The following STIP1 variants were observed in gnomAD, a reference collection of about 807,000 sequenced individuals.
The protein encoded by STIP1 is stress-induced-phosphoprotein 1.
STIP1 carries 16 observed loss-of-function variants against 77.4 expected under a neutral mutation model. That is an observed-to-expected ratio of 0.21 (90% CI 0.14 to 0.31). The LOEUF (loss-of-function observed/expected upper bound fraction) is 0.31. Ranked by LOEUF, STIP1 falls within the 10% of genes least tolerant of loss-of-function variation. The pLI is 1.00. For synonymous variants in STIP1, 258 were observed against 246.6 expected (o/e 1.05, Z -0.44); for missense variants, 524 against 684.8 (o/e 0.77, Z 2.62).
Position 64,186,377 on chromosome 11 carries a change from C to T in STIP1, c.9+107C>T, listed in dbSNP as rs1311529055. On this transcript the variant is annotated intron_variant, in intron 1 of 13. Coordinates refer to ENST00000305218, the MANE Select transcript of STIP1 (RefSeq NM_006819.3). ...GCGCCGGATCCAGGAGACCGGAGCT[C>T]GGCGCTGGGGCCGGACGGGGCGGCG... 1.1e-4 allele frequency: 32 copies of T among 287,050 alleles called. 1 individual carries two copies. Among genetic ancestry groups the T allele is most frequent in the Admixed American group, 2.5e-4 (3 of 11,918 alleles). The allele number at this position is 287,050 out of a possible 1,614,324, so 17.8% of individuals were successfully genotyped here.
chr11:64,185,773 T>G (rs2134773575), upstream of STIP1: 1 of 1,531,258 alleles, frequency 6.5e-7, no homozygotes. Context: ...CGCAAAGAGT[T>G]GGCAACCCTC....
At chr11:64,195,502 A>G (rs1291961787) in intron 4 of STIP1, 143 bp from the exon 5 acceptor site, 2 of 739,986 alleles carry the variant, frequency 2.7e-6, no homozygotes, top group African/African-American at 1.8e-5. Context: ...GTAACTCATG[A>G]GTGGTGCAAA....
At chr11:64,189,186 C>T (rs1253716834) in intron 1 of STIP1, among the ~76,000 whole-genome samples, 1 of 152,184 alleles carries the variant, frequency 6.6e-6, no homozygotes, top group East Asian at 1.9e-4. Flanking sequence ...TATGGTGAAA[C>T]CCTGTCTCTA....
chr11:64,203,270 T>C, intron 12 of STIP1, 42 bp downstream of exon 12: 1 of 1,607,016 alleles, frequency 6.2e-7, no homozygotes, highest in Non-Finnish European at 8.5e-7. Flanking sequence ...CCTGCCTCTT[T>C]CTCTGTTGGG....
chr11:64,197,251 C>CA lies in STIP1; in HGVS notation c.673-19dup. On this transcript the variant is annotated intron_variant, in intron 5 of 13. Transcript: ENST00000305218. ...ACCTGAGTTAGATTTGCTCAGCACT[C>CA]ACTTCTAAACCTCATCTAGGCACTG... 6.2e-7 allele frequency: 1 copy of CA among 1,613,324 alleles called. No individual in the cohort carries two copies. Among genetic ancestry groups the CA allele is most frequent in the Non-Finnish European group, 8.5e-7 (1 of 1,179,770 alleles).
Position 64,193,152 on chromosome 11 carries a change from C to G in STIP1, c.84C>G (p.Ser28=). 2.5e-6 allele frequency: 4 copies of G among 1,614,162 alleles called. No individual in the cohort carries two copies. Among genetic ancestry groups the G allele is most frequent in the Non-Finnish European group, 3.4e-6 (4 of 1,180,036 alleles). ...GNIDDALQCY[S]EAIKLDPHNH... The stretch of plus-strand genomic sequence containing the variant: ...TCGATGATGCCTTACAGTGCTACTC[C>G]GAAGCTATTAAGCTGGATCCCCACA... Residue 28 remains serine (S), a synonymous_variant, in exon 2 of 14, where the codon TCC becomes TCG. Coordinates refer to ENST00000305218, the MANE Select transcript of STIP1 (RefSeq NM_006819.3).
At chr11:64,190,087 G>A (rs965632226) in intron 1 of STIP1, among the ~76,000 whole-genome samples, 2 of 150,716 alleles carry the variant, frequency 1.3e-5, no homozygotes, top group Admixed American at 1.3e-4. Context: ...TGCAGCCTCC[G>A]ACTCCCAGGT....
chr11:64,202,838 G>A lies in STIP1; in HGVS notation c.1246-38G>A, dbSNP rs1946234703. On this transcript the variant is annotated intron_variant, in intron 10 of 13. Transcript: ENST00000305218. ...AGTTGCCTGTACTGAGCTTGTCCAAGGGAATGAGCCTAATTTCTTTCTGTT... is the reference window on the plus strand; with the variant it reads ...AGTTGCCTGTACTGAGCTTGTCCAAAGGAATGAGCCTAATTTCTTTCTGTT... 4 of 1,613,876 alleles carry A rather than the reference G, an allele frequency of 2.5e-6. No homozygotes were observed. In the African/African-American group the frequency reaches 5.3e-5, roughly 22 times the overall value.
intron 1 of STIP1, among the ~76,000 whole-genome samples, chr11:64,186,895 T>C (rs1946028099): frequency 6.6e-6 from 1 of 152,132 alleles, no homozygotes; most frequent in Non-Finnish European, 1.5e-5. Context: ...CTCTACCTGA[T>C]GCGGGAAAGG....
At chr11:64,189,292 C>T (rs1230187909) in intron 1 of STIP1, among the ~76,000 whole-genome samples, 1 of 151,698 alleles carries the variant, frequency 6.6e-6, no homozygotes, top group African/African-American at 2.4e-5. Flanking sequence ...ACCCGGGAGG[C>T]GGACCTTGAA....
In STIP1 at chr11:64,194,250, C is replaced by T. The variant is rs866576449; in HGVS notation, c.281C>T (p.Thr94Ile). ...AACCGCTTTGAAGAAGCCAAGCGAA[C>T]CTATGAGGAGGGCTTAAAACACGAG... ...FLNRFEEAKR[T>I]YEEGLKHEAN... The change falls in exon 3 of 14, where the codon ACC (threonine) becomes ATC (isoleucine). Residue 94 changes from threonine to isoleucine, a missense_variant. Physicochemically the swap from Thr to Ile is moderately conservative, Grantham distance 89. Transcript: ENST00000305218. 2 of 1,614,190 alleles carry T rather than the reference C, an allele frequency of 1.2e-6. No homozygotes were observed. Among genetic ancestry groups the T allele is most frequent in the Middle Eastern group, 1.6e-4 (1 of 6,062 alleles).
At chr11:64,185,823 A>T, upstream of STIP1, 1 of 1,536,086 alleles carries the variant, frequency 6.5e-7, no homozygotes, top group Non-Finnish European at 8.7e-7. Flanking sequence ...GGCGGTTCCG[A>T]CATGGAGTCC....
In STIP1 at chr11:64,190,521, G is replaced by T. The variant is rs183259983; in HGVS notation, c.10-2557G>T. On this transcript the variant is annotated intron_variant, in intron 1 of 13. Coordinates refer to ENST00000305218, the MANE Select transcript of STIP1 (RefSeq NM_006819.3). ...GTAGAGACGGGGTTTCACCATGTTG[G>T]CCAGGCTGGTCTCGAACTCCTGACC... Among the ~76,000 whole-genome samples the T allele has an allele frequency of 3.3e-3, 505 of 151,536 alleles. 2 individuals are homozygous for T. Among genetic ancestry groups the T allele is most frequent in the East Asian group, 0.018 (93 of 5,152 alleles).
intron 5 of STIP1, 29 bp downstream of exon 5, chr11:64,195,842 C>T (rs1281800468): frequency 1.2e-5 from 20 of 1,613,476 alleles, no homozygotes; most frequent in Non-Finnish European, 1.7e-5. Flanking sequence ...CTCACTGTCA[C>T]CTATCTATAA....
At chr11:64,194,092 T>G (rs1393624198) in intron 2 of STIP1, 97 bp from the exon 3 acceptor site, 1 of 1,509,382 alleles carries the variant, frequency 6.6e-7, no homozygotes, top group African/African-American at 1.4e-5. Flanking sequence ...GAATACTCAT[T>G]TTTCCCCCAT....
At chr11:64,191,700 A>G (rs925749113) in intron 1 of STIP1, among the ~76,000 whole-genome samples, 6 of 151,748 alleles carry the variant, frequency 4.0e-5, no homozygotes, top group Non-Finnish European at 8.8e-5. Flanking sequence ...GGGGCAGCTC[A>G]GTAAGGAGAA....
At chr11:64,186,941 T>C (rs1262746720) in intron 1 of STIP1, among the ~76,000 whole-genome samples, 1 of 152,126 alleles carries the variant, frequency 6.6e-6, no homozygotes, top group Non-Finnish European at 1.5e-5. Context: ...ACGAATTCCA[T>C]CTCTGACAGT....
chr11:64,201,868 C>G (rs976457205), intron 10 of STIP1, among the ~76,000 whole-genome samples: 2 of 152,186 alleles, frequency 1.3e-5, no homozygotes, highest in African/African-American at 4.8e-5. Flanking sequence ...GGAATTAATT[C>G]CAGGGGAGCT....
rs1055719428 is a variant in STIP1 at position 64,197,321 on chromosome 11, T to C, written c.723T>C (p.Phe241=). 6.2e-7 allele frequency: 1 copy of C among 1,614,040 alleles called. No homozygotes were observed. The highest frequency in any genetic ancestry group is 1.1e-5 in the South Asian group (1 of 91,072). The change falls in exon 6 of 14, where the codon TTT becomes TTC. Residue 241 remains phenylalanine (F), a synonymous_variant. Transcript: ENST00000305218. ...LGNDAYKKKD[F]DTALKHYDKA... ...ACGATGCCTACAAGAAGAAAGACTT[T>C]GACACAGCCTTGAAGCATTACGACA...
Sources: gnomAD v4.1 joint callset for allele counts (sites outside exome capture counted in the v4.1 genomes callset) on GRCh38, gnomAD v4.1.1 for gene constraint, MANE v1.5 for transcripts, NCBI Gene and HGNC (gene_info 2026-07-23, HGNC 2026-07-21) for gene names.